Variants in SUSD4 observed in about 807,000 individuals in gnomAD.
SUSD4 encodes the protein sushi domain containing 4, also known as sushi domain-containing protein 4.
In SUSD4, 41 loss-of-function variants were observed where a neutral mutation model predicts 50.5. The observed-to-expected ratio is 0.81, with a 90% CI of 0.63 to 1.05. SUSD4 has a LOEUF of 1.05. Ranked by LOEUF, SUSD4 falls within the 50% of genes least tolerant of loss-of-function variation. The pLI is 0.00. For synonymous variants in SUSD4, 257 were observed against 257.3 expected (o/e 1.00, Z 0.01); for missense variants, 580 against 634.7 (o/e 0.91, Z 0.93).
chr1:223,305,666 G>C (rs973851224), intron 2 of SUSD4, among the ~76,000 whole-genome samples: 2 of 152,136 alleles, frequency 1.3e-5, no homozygotes, highest in African/African-American at 4.8e-5. Flanking sequence ...TACAACAAAA[G>C]AAAACCAGAA....
intron 5 of SUSD4, among the ~76,000 whole-genome samples, chr1:223,255,881 C>T (rs1661655200): frequency 6.6e-6 from 1 of 152,178 alleles, no homozygotes; most frequent in Non-Finnish European, 1.5e-5. Context: ...ATTGAGACCA[C>T]GCCTCTGGCC....
At chr1:223,246,039 C>T (rs1332699588) in intron 5 of SUSD4, among the ~76,000 whole-genome samples, 1 of 152,110 alleles carries the variant, frequency 6.6e-6, no homozygotes, top group African/African-American at 2.4e-5. Flanking sequence ...GGGATAAATG[C>T]AGAACTCAGG....
chr1:223,315,934 A>G (rs886305998), intron 2 of SUSD4, among the ~76,000 whole-genome samples: 8 of 152,154 alleles, frequency 5.3e-5, no homozygotes, highest in African/African-American at 1.9e-4. Flanking sequence ...TTAGAAGCCT[A>G]CATTTACAAT....
intron 2 of SUSD4, chr1:223,359,067 T>C: frequency 2.1e-6 from 1 of 471,084 alleles, no homozygotes; most frequent in South Asian, 1.5e-5. Context: ...ACTAGGACCA[T>C]GACTTGGGTA....
rs956614601 is a variant in SUSD4, at chr1:223,279,251, G to A, written c.362-10576C>T. Among the ~76,000 whole-genome samples the A allele has an allele frequency of 9.9e-5, 15 of 152,176 alleles. No homozygotes were observed. The South Asian group carries it at 1.0e-3, about 10-fold the overall frequency. On this transcript the variant is annotated intron_variant, in intron 3 of 8. Coordinates refer to ENST00000366878, the MANE Select transcript of SUSD4 (RefSeq NM_017982.4). Reference sequence around the variant, plus strand: ...GACTTTGACGAGTTGAGAGAAGAAGGCTTCAGACGATCAAACTTCTCCGAG... The same window carrying A: ...GACTTTGACGAGTTGAGAGAAGAAGACTTCAGACGATCAAACTTCTCCGAG...
At chr1:223,346,964 G>A (rs966702033) in intron 2 of SUSD4, among the ~76,000 whole-genome samples, 8 of 151,962 alleles carry the variant, frequency 5.3e-5, no homozygotes, top group Non-Finnish European at 1.0e-4. Context: ...AGTTCACTTC[G>A]TCCTGTTGAA....
Position 223,220,980 on chromosome 1 carries a change from C to A in SUSD4, c.*1212G>T, listed in dbSNP as rs1409529663. On this transcript the variant is annotated 3_prime_UTR_variant, in exon 9 of 9. Transcript: ENST00000366878. ...CCAAGAGAAGGAAAGGAATCAACTC[C>A]ACAGATCAACATGTATTTGAAGAGA... is the stretch of plus-strand genomic sequence containing the variant. The A allele has an allele frequency of 2.5e-6, 1 of 400,668 alleles. No homozygotes were observed. Among genetic ancestry groups the A allele is most frequent in the Non-Finnish European group, 4.4e-6 (1 of 226,246 alleles). 24.8% of individuals were successfully genotyped at this position (400,668 alleles called of 1,614,324 possible).
chr1:223,287,908 T>A (rs898541179), intron 3 of SUSD4, among the ~76,000 whole-genome samples: 1 of 152,132 alleles, frequency 6.6e-6, no homozygotes, highest in Non-Finnish European at 1.5e-5. Context: ...GGCTCCAGTT[T>A]AGTCTCCAAA....
In SUSD4 at chr1:223,250,478, T is replaced by C. The variant is rs116074296; in HGVS notation, c.724+14152A>G. Among the ~76,000 whole-genome samples, 1,069 of 152,282 alleles carry C rather than the reference T, an allele frequency of 7.0e-3. 9 individuals carry two copies. Among genetic ancestry groups the C allele is most frequent in the Middle Eastern group, 0.01 (3 of 294 alleles). On this transcript the variant is annotated intron_variant, in intron 5 of 8. Transcript: ENST00000366878. ...ATAAGGGAATTGAGGCTGAGAAAGATGAAGTTATTTGCCCAAGGTCATCTA... is the reference window on the plus strand; with the variant it reads ...ATAAGGGAATTGAGGCTGAGAAAGACGAAGTTATTTGCCCAAGGTCATCTA...
chr1:223,275,911 CG>C (rs1663231078), intron 3 of SUSD4, among the ~76,000 whole-genome samples: 1 of 152,208 alleles, frequency 6.6e-6, no homozygotes, highest in African/African-American at 2.4e-5. Context: ...ACCTAATCCG[CG>C]CAAGCTGGGG....
chr1:223,275,176 A>G (rs1558204530), intron 3 of SUSD4, among the ~76,000 whole-genome samples: 1 of 152,166 alleles, frequency 6.6e-6, no homozygotes, highest in Admixed American at 6.5e-5. Flanking sequence ...GTGAACGACT[A>G]AACATATTGG....
intron 2 of SUSD4, among the ~76,000 whole-genome samples, chr1:223,358,389 A>G (rs1668785329): frequency 6.6e-6 from 1 of 152,188 alleles, no homozygotes; most frequent in East Asian, 1.9e-4. Flanking sequence ...ACACCACTTG[A>G]CCAAAGCTAG....
intron 3 of SUSD4, among the ~76,000 whole-genome samples, chr1:223,289,948 C>T (rs1028462860): frequency 7.9e-5 from 12 of 152,136 alleles, no homozygotes; most frequent in African/African-American, 2.7e-4. Context: ...ACTGTGTGAC[C>T]TTAACAAAGT....
intron 2 of SUSD4, chr1:223,360,336 C>A: frequency 2.3e-6 from 1 of 441,244 alleles, no homozygotes; most frequent in Non-Finnish European, 4.7e-6. Flanking sequence ...GGAGAAACAG[C>A]TGAAGCCATG....
chr1:223,242,601 G>A (rs149025817), intron 5 of SUSD4, among the ~76,000 whole-genome samples: 1 of 152,332 alleles, frequency 6.6e-6, no homozygotes, highest in Non-Finnish European at 1.5e-5. Flanking sequence ...GATAGTGACT[G>A]GGAGGCAGAT....
Position 223,327,211 on chromosome 1 carries a change from T to C in SUSD4, c.149-34560A>G, listed in dbSNP as rs932443652. On this transcript the variant is annotated intron_variant, in intron 2 of 8. Transcript: ENST00000366878. ...TGGATGGAGCTGGAGGCCATTATTC[T>C]AACTGAAGTAAGACAGCAGTGAAAG... Among the ~76,000 whole-genome samples the C allele has an allele frequency of 3.9e-5, 6 of 152,240 alleles. 1 individual carries two copies. The highest frequency in any genetic ancestry group is 3.9e-4 in the Admixed American group (6 of 15,290).
intron 5 of SUSD4, among the ~76,000 whole-genome samples, chr1:223,237,255 T>C (rs547815557): frequency 7.2e-5 from 11 of 152,210 alleles, no homozygotes; most frequent in African/African-American, 2.6e-4. Flanking sequence ...TTTGGTCAAT[T>C]ATTTTGGATT....
chr1:223,322,379 C>T (rs563022958), intron 2 of SUSD4, among the ~76,000 whole-genome samples: 16 of 152,322 alleles, frequency 1.1e-4, no homozygotes, highest in African/African-American at 3.6e-4. Context: ...CTGTGAGTTT[C>T]TAAGAGTTCG....
intron 5 of SUSD4, among the ~76,000 whole-genome samples, chr1:223,254,687 T>C (rs1028244712): frequency 1.3e-5 from 2 of 152,124 alleles, no homozygotes; most frequent in African/African-American, 4.8e-5. Flanking sequence ...GGATTTGATA[T>C]AGGAAAAGAA....
Sources: allele counts gnomAD v4.1 joint callset (sites outside exome capture counted in the v4.1 genomes callset), GRCh38; gene constraint gnomAD v4.1.1; transcripts MANE v1.5; gene names NCBI Gene and HGNC (gene_info 2026-07-23, HGNC 2026-07-21).